Variants in AFF3 observed in about 807,000 individuals in gnomAD.
The protein encoded by AFF3 is AF4/FMR2 family member 3.
AFF3 carries 32 observed loss-of-function variants against 129.7 expected under a neutral mutation model. The observed-to-expected ratio is 0.25, with a 90% CI of 0.19 to 0.33. The LOEUF is 0.33. AFF3 is among the 10% of genes least tolerant of loss of function. The pLI, the probability that AFF3 is intolerant of heterozygous loss-of-function variation, is 1.00. For synonymous variants in AFF3, 644 were observed against 635.4 expected (o/e 1.01, Z -0.20); for missense variants, 1,373 against 1,592.0 (o/e 0.86, Z 2.34).
At chr2:99,836,474 GA>G in intron 8 of AFF3, among the ~76,000 whole-genome samples, 1 of 151,792 alleles carries the variant, frequency 6.6e-6, no homozygotes, top group Admixed American at 6.6e-5. Context: ...ATCTCTGCCA[GA>G]AAAAAAATCA....
chr2:99,589,565 C>T (rs962697864), intron 15 of AFF3, among the ~76,000 whole-genome samples: 2 of 151,986 alleles, frequency 1.3e-5, no homozygotes, highest in African/African-American at 4.8e-5. Flanking sequence ...CCACGCCCAG[C>T]TATTTTTGTA....
chr2:99,823,978 G>C (rs981532678), intron 8 of AFF3, among the ~76,000 whole-genome samples: 1 of 151,904 alleles, frequency 6.6e-6, no homozygotes, highest in African/African-American at 2.4e-5. Context: ...CCACCGATCG[G>C]ATATACCCAG....
chr2:99,963,344 T>C (rs10183465), intron 7 of AFF3, among the ~76,000 whole-genome samples: 2 of 151,814 alleles, frequency 1.3e-5, no homozygotes, highest in Non-Finnish European at 2.9e-5. Flanking sequence ...TTCAGGAAAG[T>C]AAAAGAACAT....
chr2:99,643,951 T>C (rs1351974096), intron 13 of AFF3, among the ~76,000 whole-genome samples: 1 of 152,198 alleles, frequency 6.6e-6, no homozygotes, highest in Non-Finnish European at 1.5e-5. Context: ...GTGTAAGCCT[T>C]GTGAGTCCTT....
intron 7 of AFF3, among the ~76,000 whole-genome samples, chr2:99,987,194 A>G (rs1679951512): frequency 6.6e-6 from 1 of 152,188 alleles, no homozygotes; most frequent in African/African-American, 2.4e-5. Context: ...ATTGTTGCAA[A>G]GGCTGAAGTC....
chr2:99,684,508 G>A (rs1240350654), intron 11 of AFF3, among the ~76,000 whole-genome samples: 2 of 152,080 alleles, frequency 1.3e-5, no homozygotes, highest in African/African-American at 4.8e-5. Context: ...ACGTGAAGAG[G>A]AGAAAAAGAC....
At chr2:99,814,376 T>C (rs1009815008) in intron 8 of AFF3, among the ~76,000 whole-genome samples, 1 of 152,058 alleles carries the variant, frequency 6.6e-6, no homozygotes, top group African/African-American at 2.4e-5. Context: ...GTATACTGGA[T>C]GTGAACTGCA....
chr2:99,947,848 G>A (rs567898309), intron 7 of AFF3, among the ~76,000 whole-genome samples: 4 of 152,082 alleles, frequency 2.6e-5, no homozygotes, highest in Admixed American at 6.5e-5. Flanking sequence ...AGCATGGCAC[G>A]GGGGCCATGG....
rs928461921 is a variant in AFF3, at chr2:99,832,235, T to C, written c.921+5242A>G. 3.9e-5 allele frequency among the ~76,000 whole-genome samples: 6 copies of C among 152,234 alleles called. No individual in the cohort carries two copies. In the South Asian group the frequency reaches 1.2e-3, roughly 32 times the overall value. On this transcript the variant is annotated intron_variant, in intron 8 of 24. Coordinates refer to ENST00000672756, the MANE Select transcript of AFF3 (RefSeq NM_001386135.1). ...ACATGCCCTTCATCTTCTAGGCATA[T>C]GGTTCTGCAAACAACTTTGTGATTT...
rs377409057 is a variant in AFF3 at position 99,618,116 on chromosome 2, T to C, written c.1185-16495A>G. 6.0e-4 allele frequency among the ~76,000 whole-genome samples: 91 copies of C among 152,202 alleles called. 1 individual carries two copies. The highest frequency in any genetic ancestry group is 1.8e-3 in the African/African-American group (76 of 41,526). On this transcript the variant is annotated intron_variant, in intron 13 of 24. Transcript: ENST00000672756. ...TGGCTATATGACCTTTGGGAAGTTA[T>C]TTACCCTCTCTGAGCCTTGGCTACC...
chr2:99,592,915 G>A (rs570691778), intron 15 of AFF3, among the ~76,000 whole-genome samples: 21 of 144,816 alleles, frequency 1.5e-4, no homozygotes, highest in East Asian at 2.1e-4. Context: ...CTGCTTGGGC[G>A]ACAGAGTGAG....
chr2:99,638,092 G>T (rs569531743), intron 13 of AFF3, among the ~76,000 whole-genome samples: 2,230 of 122,020 alleles, frequency 0.018, 24 homozygotes, highest in Non-Finnish European at 0.023. Flanking sequence ...TTTTTTTTTT[G>T]AGATGGAGTC....
At chr2:100,027,953 C>T (rs1684181611) in intron 4 of AFF3, among the ~76,000 whole-genome samples, 1 of 152,090 alleles carries the variant, frequency 6.6e-6, no homozygotes, top group Non-Finnish European at 1.5e-5. Flanking sequence ...GGTAATTCTG[C>T]AAATTCACTG....
At chr2:99,679,665 AGAGTCTGGGGTG>A (rs1575676049) in intron 11 of AFF3, among the ~76,000 whole-genome samples, 1 of 152,240 alleles carries the variant, frequency 6.6e-6, no homozygotes, top group African/African-American at 2.4e-5. Context: ...TCAGTGGTAC[AGAGTCTGGGGTG>A]GTGAAATAAA....
intron 11 of AFF3, among the ~76,000 whole-genome samples, chr2:99,716,561 G>A (rs1015794214): frequency 2.0e-5 from 3 of 151,398 alleles, no homozygotes; most frequent in African/African-American, 7.3e-5. Flanking sequence ...ATTATTATCA[G>A]GTAAAAAAGC....
Position 99,837,509 on chromosome 2 carries a change from C to T in AFF3, c.889G>A (p.Glu297Lys), listed in dbSNP as rs979402605. Residue 297 changes from glutamate (E) to lysine (K), a missense_variant, in exon 8 of 25, where the codon GAA becomes AAA. This residue lies in a region of AFF3 where 413 missense variants were observed against 424.4 expected (regional missense o/e 0.97). Coordinates refer to ENST00000672756, the MANE Select transcript of AFF3 (RefSeq NM_001386135.1). ...ATTTCTTCAACACAGCTGTTGGTTT[C>T]TCCAGATCTACTCTCCTGAAAGCAA... ...PKQGEESRSG[E>K]TNSCVEEIIR... The T allele has an allele frequency of 3.1e-6, 5 of 1,613,622 alleles. No individual in the cohort carries two copies. The highest frequency in any genetic ancestry group is 4.2e-6 in the Non-Finnish European group (5 of 1,179,848).
chr2:99,589,363 G>C (rs1382803122), intron 15 of AFF3, among the ~76,000 whole-genome samples: 1 of 148,422 alleles, frequency 6.7e-6, no homozygotes, highest in Non-Finnish European at 1.5e-5. Context: ...AACATATTGT[G>C]TGAATCTGAC....
At chr2:99,589,903 C>T (rs2104922843) in intron 15 of AFF3, among the ~76,000 whole-genome samples, 1 of 152,332 alleles carries the variant, frequency 6.6e-6, no homozygotes, top group Middle Eastern at 3.4e-3. Flanking sequence ...CTTTCACAGT[C>T]TCTGTCATGG....
At chr2:99,742,376 C>G (rs1229151259) in intron 10 of AFF3, among the ~76,000 whole-genome samples, 1 of 152,080 alleles carries the variant, frequency 6.6e-6, no homozygotes, top group East Asian at 1.9e-4. Context: ...AATCCCCTTA[C>G]TCCTAGAAAA....
Sources: gnomAD v4.1 joint callset for allele counts (sites outside exome capture counted in the v4.1 genomes callset) on GRCh38, gnomAD v4.1.1 for gene constraint, gnomAD v4.1.1 regional missense constraint, MANE v1.5 for transcripts, NCBI Gene and HGNC (gene_info 2026-07-23, HGNC 2026-07-21) for gene names.